TNIK: variants seen among roughly 807,000 people sequenced by gnomAD.
TNIK encodes TRAF2 and NCK-interacting protein kinase.
TNIK carries 49 observed loss-of-function variants against 191.3 expected under a neutral mutation model. The ratio of observed to expected loss-of-function variants is 0.26; its 90% CI spans 0.20 to 0.32. TNIK has a LOEUF of 0.32. Among genes scored for constraint, TNIK ranks in the 10% least tolerant of loss-of-function variants. The probability of loss-of-function intolerance (pLI) is 1.00; values close to 1 mark genes in which losing one functional copy is unlikely to be tolerated. For synonymous variants in TNIK, 594 were observed against 600.9 expected (o/e 0.99, Z 0.17); for missense variants, 1,155 against 1,702.3 (o/e 0.68, Z 5.66).
chr3:171,298,844 C>G (rs1752594496), intron 2 of TNIK, among the ~76,000 whole-genome samples: 1 of 152,222 alleles, frequency 6.6e-6, no homozygotes, highest in Non-Finnish European at 1.5e-5. Flanking sequence ...AATTTTTCAC[C>G]TAACCAGCTT....
intron 27 of TNIK, among the ~76,000 whole-genome samples, chr3:171,081,365 G>A (rs60686352): frequency 0.038 from 5,714 of 151,612 alleles, 359 homozygotes; most frequent in African/African-American, 0.13. Context: ...TTGTCTCTTC[G>A]TGAAACAATG....
chr3:171,183,552 G>A (rs1285004293), intron 7 of TNIK, among the ~76,000 whole-genome samples: 1 of 152,190 alleles, frequency 6.6e-6, no homozygotes, highest in African/African-American at 2.4e-5. Context: ...AGCAGATTCT[G>A]GCTCAACGTA....
chr3:171,131,757 A>G (rs4955768), intron 15 of TNIK, among the ~76,000 whole-genome samples: 19,104 of 152,204 alleles, frequency 0.13, 1,756 homozygotes, highest in African/African-American at 0.26. Context: ...TACACTGCAG[A>G]ATCACCTTAA....
chr3:171,139,442 G>A (rs1560169125), intron 14 of TNIK, 28 bp downstream of exon 14: 1 of 1,603,122 alleles, frequency 6.2e-7, no homozygotes, highest in Non-Finnish European at 8.5e-7. Flanking sequence ...CACAGAGCAG[G>A]TCAGCTGGTT....
At chr3:171,447,323 C>T (rs1320183886) in intron 1 of TNIK, among the ~76,000 whole-genome samples, 1 of 149,310 alleles carries the variant, frequency 6.7e-6, no homozygotes, top group Non-Finnish European at 1.5e-5. Flanking sequence ...AAAAAAAACA[C>T]GTTATAATCT....
intron 1 of TNIK, among the ~76,000 whole-genome samples, chr3:171,446,967 G>T (rs1727577644): frequency 2.6e-5 from 4 of 152,164 alleles, no homozygotes; most frequent in Non-Finnish European, 5.9e-5. Context: ...GAGGCGGGCG[G>T]ATCACCTGAG....
rs147854892 is a variant in TNIK, at chr3:171,393,455, G to A, written c.58-23770C>T. Among the ~76,000 whole-genome samples the A allele has an allele frequency of 5.9e-5, 9 of 152,252 alleles. No homozygotes were observed. In the South Asian group the frequency reaches 1.0e-3, roughly 18 times the overall value. ...AGGGCAGATCTCTAAATTATCCCTC[G>A]ATATTTCTTTTCAATCATGCCATGA... On this transcript the variant is annotated intron_variant, in intron 1 of 32. Coordinates refer to ENST00000436636, the MANE Select transcript of TNIK (RefSeq NM_015028.4).
intron 4 of TNIK, among the ~76,000 whole-genome samples, chr3:171,207,025 CT>C (rs61596157): frequency 0.039 from 5,769 of 146,936 alleles, 121 homozygotes; most frequent in South Asian, 0.074. Flanking sequence ...TACATTAATG[CT>C]TTTTTTTTTT....
intron 2 of TNIK, among the ~76,000 whole-genome samples, chr3:171,243,375 C>T (rs1745212364): frequency 1.3e-5 from 2 of 151,720 alleles, no homozygotes; most frequent in Non-Finnish European, 2.9e-5. Flanking sequence ...AAAGAAAGGT[C>T]TTATGAAGAA....
chr3:171,243,260 A>T (rs1745196968), intron 2 of TNIK, among the ~76,000 whole-genome samples: 1 of 151,354 alleles, frequency 6.6e-6, no homozygotes, highest in African/African-American at 2.5e-5. Context: ...ATACACTATT[A>T]CACTATTAAG....
At chr3:171,238,965 A>C (rs1386937719) in intron 2 of TNIK, among the ~76,000 whole-genome samples, 1 of 152,254 alleles carries the variant, frequency 6.6e-6, no homozygotes, top group South Asian at 2.1e-4. Context: ...TGAGTGGCCA[A>C]TTCTAAGACT....
intron 2 of TNIK, among the ~76,000 whole-genome samples, chr3:171,342,275 C>T (rs2108405021): frequency 6.6e-6 from 1 of 152,316 alleles, no homozygotes; most frequent in African/African-American, 2.4e-5. Context: ...GTATATCTAA[C>T]AAGTTCCCAG....
intron 8 of TNIK, among the ~76,000 whole-genome samples, chr3:171,176,991 T>C (rs1401686756): frequency 6.6e-6 from 1 of 152,166 alleles, no homozygotes; most frequent in Non-Finnish European, 1.5e-5. Context: ...TACATTGGAG[T>C]TTATAGTCTT....
At chr3:171,287,010 A>T (rs1048920783) in intron 2 of TNIK, among the ~76,000 whole-genome samples, 2 of 152,334 alleles carry the variant, frequency 1.3e-5, no homozygotes, top group South Asian at 4.1e-4. Flanking sequence ...TGGTCAGAAA[A>T]GATGCTGCTT....
In TNIK at chr3:171,159,511, G is replaced by C. The variant is rs1287323214; in HGVS notation, c.1016+1759C>G. On this transcript the variant is annotated intron_variant, in intron 11 of 32. Transcript: ENST00000436636. This position sits in a 1 kb window ranked among gnomAD's most constrained non-coding sequence, Gnocchi z 4.1. ...ACTCACAAGCCTTCTCTAAAACTTAGAGCCTTTGTGTCAAACTCTAAAACC... is the reference window on the plus strand; with the variant it reads ...ACTCACAAGCCTTCTCTAAAACTTACAGCCTTTGTGTCAAACTCTAAAACC... Among the ~76,000 whole-genome samples, 1 of 152,108 alleles carries C rather than the reference G, an allele frequency of 6.6e-6. No individual in the cohort carries two copies. The highest frequency in any genetic ancestry group is 2.4e-5 in the African/African-American group (1 of 41,396).
At position 171,159,403 on chromosome 3, in the gene TNIK, GT is replaced by G. The variant is rs1733679203; in HGVS notation, c.1017-1740del. On this transcript the variant is annotated intron_variant, in intron 11 of 32. Transcript: ENST00000436636. This position sits in a 1 kb window ranked among gnomAD's most constrained non-coding sequence, Gnocchi z 4.1. ...GACCAAGGATCGGTTTTGGAGAGTAGTTAGTGTGCTGTGTGAGATACTGCCA... is the reference window on the plus strand; with the variant it reads ...GACCAAGGATCGGTTTTGGAGAGTAGTAGTGTGCTGTGTGAGATACTGCCA... Among the ~76,000 whole-genome samples the G allele has an allele frequency of 2.8e-4, 11 of 39,558 alleles. No individual in the cohort carries two copies. In the South Asian group the frequency reaches 0.015, roughly 52 times the overall value. The allele number at this position is 39,558 out of a possible 152,430, so 26.0% of individuals were successfully genotyped here.
In TNIK at chr3:171,105,082, T is replaced by C. The variant is rs114826862; in HGVS notation, c.2406+2101A>G. On this transcript the variant is annotated intron_variant, in intron 21 of 32. Transcript: ENST00000436636. ...TTAATGTACACTCCCCCAAATTAATTTTTATAAAAAGTTAAATCATTAGCA... is the reference window on the plus strand; with the variant it reads ...TTAATGTACACTCCCCCAAATTAATCTTTATAAAAAGTTAAATCATTAGCA... 8.6e-3 allele frequency among the ~76,000 whole-genome samples: 1,314 copies of C among 152,268 alleles called. 10 individuals carry two copies. The highest frequency in any genetic ancestry group is 0.03 in the African/African-American group (1,233 of 41,538).
chr3:171,430,943 T>C (rs1725297378), intron 1 of TNIK, among the ~76,000 whole-genome samples: 1 of 152,112 alleles, frequency 6.6e-6, no homozygotes, highest in Admixed American at 6.5e-5. Context: ...TTTTAATCAA[T>C]TTGCATGTTG....
At chr3:171,399,119 C>G (rs1720597211) in intron 1 of TNIK, among the ~76,000 whole-genome samples, 1 of 152,178 alleles carries the variant, frequency 6.6e-6, no homozygotes, top group South Asian at 2.1e-4. Context: ...TGAAATAATT[C>G]AGAATTTCTC....
Sources: allele counts gnomAD v4.1 joint callset (sites outside exome capture counted in the v4.1 genomes callset), GRCh38; gene constraint gnomAD v4.1.1; non-coding constraint Gnocchi (gnomAD v3.1); transcripts MANE v1.5; gene names NCBI Gene and HGNC (gene_info 2026-07-23, HGNC 2026-07-21).